PRPF3: variants seen among roughly 807,000 people sequenced by gnomAD.
The protein encoded by PRPF3 is U4/U6 small nuclear ribonucleoprotein Prp3.
Under a neutral mutation model 89.2 loss-of-function variants are expected in PRPF3, and 3 were observed. The ratio of observed to expected loss-of-function variants is 0.03; its 90% CI spans 0.02 to 0.09. The LOEUF is 0.09. Ranked by LOEUF, PRPF3 falls within the 10% of genes least tolerant of loss-of-function variation. PRPF3 has a pLI of 1.00. For synonymous variants in PRPF3, 270 were observed against 289.1 expected (o/e 0.93, Z 0.67); for missense variants, 463 against 828.8 (o/e 0.56, Z 5.42).
At chr1:150,352,717 A>G in intron 15 of PRPF3, 116 bp from the exon 16 acceptor site, 1 of 1,178,740 alleles carries the variant, frequency 8.5e-7, no homozygotes, top group Non-Finnish European at 1.2e-6. Context: ...TTTTAACCAT[A>G]AAATCACGTT....
At chr1:150,324,110 T>C (rs1655430266) in intron 1 of PRPF3, among the ~76,000 whole-genome samples, 1 of 152,114 alleles carries the variant, frequency 6.6e-6, no homozygotes, top group African/African-American at 2.4e-5. Flanking sequence ...AGATTTAATT[T>C]AATATCTAAG....
intron 4 of PRPF3, 88 bp downstream of exon 4, chr1:150,328,554 T>TTTTTC (rs2101955174): frequency 7.3e-7 from 1 of 1,368,604 alleles, no homozygotes; most frequent in Non-Finnish European, 9.9e-7. Flanking sequence ...GGAATTTTTT[T>TTTTTC]TTTTTTTTTT....
intron 14 of PRPF3, among the ~76,000 whole-genome samples, chr1:150,348,460 A>ATATTTTTTTTTTTTT (rs1658530111): frequency 2.1e-5 from 1 of 48,464 alleles, no homozygotes; most frequent in Non-Finnish European, 3.5e-5. Flanking sequence ...CTACACGTGC[A>ATATTTTTTTTTTTTT]TTTTTTTTTT....
chr1:150,343,584 A>G, intron 10 of PRPF3, 132 bp downstream of exon 10: 1 of 1,243,730 alleles, frequency 8.0e-7, no homozygotes, highest in East Asian at 2.6e-5. Context: ...CTTTTTCTCC[A>G]AGTTTTCTAC....
intron 14 of PRPF3, 90 bp downstream of exon 14, chr1:150,346,581 A>G (rs587770380): frequency 7.8e-6 from 10 of 1,282,994 alleles, no homozygotes; most frequent in East Asian, 2.3e-5. Flanking sequence ...TCCCTGTGAC[A>G]CTCTTGATAA....
rs148554092 is a variant in PRPF3 at position 150,328,341 on chromosome 1, G to C, written c.298G>C (p.Glu100Gln). 5.6e-6 allele frequency: 9 copies of C among 1,613,786 alleles called. No homozygotes were observed. Among genetic ancestry groups the C allele is most frequent in the Non-Finnish European group, 7.6e-6 (9 of 1,180,012 alleles). Reference protein sequence around the residue: ...ELKEVFGDDSEISKESSGVKK... With the variant: ...ELKEVFGDDSQISKESSGVKK... ...TTAGGAGGTGTTTGGTGATGACTCTGAGATCTCTAAAGAATCATCAGGAGT... is the reference window on the plus strand; with the variant it reads ...TTAGGAGGTGTTTGGTGATGACTCTCAGATCTCTAAAGAATCATCAGGAGT... The change falls in exon 4 of 16, where the codon GAG becomes CAG. Residue 100 changes from glutamate (E) to glutamine (Q), a missense_variant. Glu to Gln is a conservative substitution (Grantham distance 29, BLOSUM62 2). Coordinates refer to ENST00000324862, the MANE Select transcript of PRPF3 (RefSeq NM_004698.4).
chr1:150,328,176 C>A, intron 3 of PRPF3, 144 bp from the exon 4 acceptor site: 1 of 849,368 alleles, frequency 1.2e-6, no homozygotes, highest in Non-Finnish European at 1.9e-6. Flanking sequence ...GTCTAGTAGA[C>A]CCTGCTTCTG....
At chr1:150,322,251 T>C (rs1655132265) in intron 1 of PRPF3, among the ~76,000 whole-genome samples, 1 of 152,216 alleles carries the variant, frequency 6.6e-6, no homozygotes, top group Admixed American at 6.5e-5. Flanking sequence ...CTCTTGTTAG[T>C]TTTGCTCACT....
intron 4 of PRPF3, among the ~76,000 whole-genome samples, chr1:150,328,677 T>C (rs1314072799): frequency 6.8e-6 from 1 of 147,150 alleles, no homozygotes; most frequent in Non-Finnish European, 1.5e-5. Context: ...CTCAGCCTAC[T>C]GAGTAGCTGG....
intron 7 of PRPF3, among the ~76,000 whole-genome samples, chr1:150,337,073 C>CT (rs1439458815): frequency 7.2e-6 from 1 of 138,496 alleles, no homozygotes; most frequent in Non-Finnish European, 1.5e-5. Flanking sequence ...GAGTCTCGCT[C>CT]TGTCACCCAG....
In PRPF3 at chr1:150,343,527, T is replaced by A. The variant is rs115626548; in HGVS notation, c.1426+75T>A. The A allele has an allele frequency of 2.7e-3, 4,151 of 1,549,472 alleles. 97 individuals are homozygous for A. In the African/African-American group the frequency reaches 0.049, roughly 18 times the overall value. On this transcript the variant is annotated intron_variant, in intron 10 of 15. Coordinates refer to ENST00000324862, the MANE Select transcript of PRPF3 (RefSeq NM_004698.4). ...CTTTAATCCTGGAGGAACTTTAACA[T>A]CTCTGTGTTTGAGTGATTTCTGTTT... is the stretch of plus-strand genomic sequence containing the variant.
intron 4 of PRPF3, among the ~76,000 whole-genome samples, chr1:150,328,900 C>A (rs1330587030): frequency 6.6e-6 from 1 of 152,068 alleles, no homozygotes; most frequent in Non-Finnish European, 1.5e-5. Flanking sequence ...CCATGTTGGG[C>A]AGGCTGGTCT....
At chr1:150,341,705 CTT>C (rs35190590) in intron 9 of PRPF3, among the ~76,000 whole-genome samples, 71,757 of 138,218 alleles carry the variant, frequency 0.52, 19,074 homozygotes, top group Non-Finnish European at 0.61. Context: ...CGCGCCCGGC[CTT>C]TTTTTTTTTT....
intron 8 of PRPF3, among the ~76,000 whole-genome samples, chr1:150,339,459 G>A (rs1160714695): frequency 6.7e-6 from 1 of 148,464 alleles, no homozygotes; most frequent in South Asian, 2.1e-4. Flanking sequence ...TTCCTGAGAC[G>A]GAGTTTCGCT....
intron 6 of PRPF3, among the ~76,000 whole-genome samples, chr1:150,334,550 T>G (rs900530879): frequency 4.6e-5 from 7 of 152,144 alleles, no homozygotes; most frequent in African/African-American, 1.7e-4. Flanking sequence ...CTTGAACTCC[T>G]GGGCTCAAGC....
chr1:150,343,865 A>G (rs1658027542), intron 10 of PRPF3, among the ~76,000 whole-genome samples: 1 of 152,196 alleles, frequency 6.6e-6, no homozygotes, highest in Non-Finnish European at 1.5e-5. Flanking sequence ...ATTATTTATA[A>G]GCTCTTTCAC....
chr1:150,337,448 A>G (rs1657146233), intron 7 of PRPF3, among the ~76,000 whole-genome samples: 1 of 152,138 alleles, frequency 6.6e-6, no homozygotes, highest in Admixed American at 6.6e-5. Flanking sequence ...AATAAAGCAG[A>G]ACAACTCCTT....
chr1:150,343,463 C>T lies in PRPF3; in HGVS notation c.1426+11C>T, dbSNP rs781823446. The T allele has an allele frequency of 1.9e-6, 3 of 1,612,942 alleles. No individual in the cohort carries two copies. The highest frequency in any genetic ancestry group is 1.7e-5 in the Admixed American group (1 of 59,946). On this transcript the variant is annotated intron_variant, in intron 10 of 15. Transcript: ENST00000324862. Reference sequence around the variant, plus strand: ...CTCCAGAACCCAAAGGTGCATTTCTCAGTGGCCTCTTCTGTTAAAAAGAGT... The same window carrying T: ...CTCCAGAACCCAAAGGTGCATTTCTTAGTGGCCTCTTCTGTTAAAAAGAGT...
intron 15 of PRPF3, 139 bp downstream of exon 15, chr1:150,349,357 T>C (rs1658655944): frequency 1.3e-6 from 1 of 751,210 alleles, no homozygotes; most frequent in Non-Finnish European, 2.3e-6. Context: ...GGAATCCATT[T>C]TTAAATGGTT....
Sources: allele counts gnomAD v4.1 joint callset (sites outside exome capture counted in the v4.1 genomes callset), GRCh38; gene constraint gnomAD v4.1.1; transcripts MANE v1.5; gene names NCBI Gene and HGNC (gene_info 2026-07-23, HGNC 2026-07-21).